STAU2: variants seen among roughly 807,000 people sequenced by gnomAD.
STAU2 encodes the protein staufen double-stranded RNA binding protein 2.
Under a neutral mutation model 65.9 loss-of-function variants are expected in STAU2, and 20 were observed. The ratio of observed to expected loss-of-function variants is 0.30; its 90% CI spans 0.21 to 0.44. The LOEUF is 0.44. Ranked by LOEUF, STAU2 falls within the 20% of genes least tolerant of loss-of-function variation. STAU2 has a pLI of 1.00. For synonymous variants in STAU2, 232 were observed against 233.9 expected (o/e 0.99, Z 0.07); for missense variants, 558 against 683.9 (o/e 0.82, Z 2.05).
intron 12 of STAU2, among the ~76,000 whole-genome samples, chr8:73,568,600 C>A (rs940566218): frequency 1.3e-5 from 1 of 76,394 alleles, no homozygotes; most frequent in Non-Finnish European, 2.9e-5. Context: ...CAGAGTGAGA[C>A]CCTATCTCAA....
chr8:73,652,173 G>A (rs1381568762), intron 6 of STAU2: 1 of 151,950 alleles, frequency 6.6e-6, no homozygotes, highest in East Asian at 1.9e-4. Context: ...AGGATTGGAA[G>A]GGGGAAAAAA....
intron 11 of STAU2, among the ~76,000 whole-genome samples, chr8:73,587,810 G>C (rs1236465429): frequency 6.6e-6 from 1 of 152,210 alleles, no homozygotes; most frequent in Non-Finnish European, 1.5e-5. Flanking sequence ...CAAAGGGGAA[G>C]CAGAAATGGC....
chr8:73,673,057 A>G, intron 6 of STAU2, 50 bp downstream of exon 6: 1 of 1,442,410 alleles, frequency 6.9e-7, no homozygotes, highest in Non-Finnish European at 9.2e-7. Flanking sequence ...AAACTTTTAT[A>G]ACATGGATAA....
At chr8:73,550,849 T>A (rs939759629) in intron 13 of STAU2, 2 of 987,216 alleles carry the variant, frequency 2.0e-6, no homozygotes, top group Middle Eastern at 2.8e-4. Flanking sequence ...AAGGGTTCGG[T>A]GAAGTGAAAA....
intron 10 of STAU2, among the ~76,000 whole-genome samples, chr8:73,602,724 C>T (rs1811721322): frequency 7.0e-6 from 1 of 143,360 alleles, no homozygotes. Context: ...CCCTGTTGCC[C>T]CACCAAAAAA....
chr8:73,686,140 C>A (rs1004674140), intron 5 of STAU2, among the ~76,000 whole-genome samples: 4 of 152,180 alleles, frequency 2.6e-5, no homozygotes, highest in Non-Finnish European at 4.4e-5. Context: ...ATGGGCCGGG[C>A]GCGGTGGCTC....
chr8:73,443,847 C>CT (rs1818326790), intron 13 of STAU2, among the ~76,000 whole-genome samples: 2 of 111,978 alleles, frequency 1.8e-5, no homozygotes, highest in South Asian at 2.7e-4. Flanking sequence ...CACCCTGTCT[C>CT]TTAAAAAAAA....
At chr8:73,485,383 T>G (rs1435256384) in intron 13 of STAU2, among the ~76,000 whole-genome samples, 1 of 152,036 alleles carries the variant, frequency 6.6e-6, no homozygotes, top group Non-Finnish European at 1.5e-5. Flanking sequence ...GGCACAATTC[T>G]GTGAATGTAA....
At chr8:73,661,137 G>C (rs576415132) in intron 6 of STAU2, among the ~76,000 whole-genome samples, 1 of 152,020 alleles carries the variant, frequency 6.6e-6, no homozygotes, top group East Asian at 1.9e-4. Context: ...ATTAGAAGTC[G>C]AATAACCTGC....
At chr8:73,575,234 C>G (rs1362758230) in intron 12 of STAU2, among the ~76,000 whole-genome samples, 2 of 151,460 alleles carry the variant, frequency 1.3e-5, no homozygotes, top group Admixed American at 6.6e-5. Flanking sequence ...GCTCATAGAT[C>G]TACCAAATAC....
chr8:73,688,527 TGTGTAGGTATGG>T, intron 5 of STAU2, 115 bp downstream of exon 5: 1 of 749,756 alleles, frequency 1.3e-6, no homozygotes, highest in Non-Finnish European at 2.2e-6. Context: ...TGTGTGTGTG[TGTGTAGGTATGG>T]GCATATGTGT....
intron 5 of STAU2, among the ~76,000 whole-genome samples, chr8:73,686,172 T>C (rs1818798196): frequency 6.6e-6 from 1 of 152,178 alleles, no homozygotes. Context: ...CCCAACACTT[T>C]GGGAGGCCAA....
At chr8:73,685,173 T>A (rs1818706636) in intron 5 of STAU2, among the ~76,000 whole-genome samples, 1 of 152,074 alleles carries the variant, frequency 6.6e-6, no homozygotes, top group Non-Finnish European at 1.5e-5. Flanking sequence ...TGACTGTAAG[T>A]TTCCTGAGGC....
chr8:73,667,179 C>T (rs1817297859), intron 6 of STAU2, among the ~76,000 whole-genome samples: 1 of 152,084 alleles, frequency 6.6e-6, no homozygotes, highest in African/African-American at 2.4e-5. Context: ...TGCACTATTC[C>T]AGGCCTGCAT....
At chr8:73,498,703 T>C (rs935413319) in intron 13 of STAU2, among the ~76,000 whole-genome samples, 1 of 151,790 alleles carries the variant, frequency 6.6e-6, no homozygotes, top group African/African-American at 2.4e-5. Context: ...GAATTGCTAT[T>C]TGGGGAGATT....
intron 6 of STAU2, among the ~76,000 whole-genome samples, chr8:73,650,900 T>C (rs1398341514): frequency 6.6e-6 from 1 of 152,158 alleles, no homozygotes; most frequent in African/African-American, 2.4e-5. Flanking sequence ...ATGTAAGGAC[T>C]CTAAATGGGA....
chr8:73,474,545 A>G (rs928953507), intron 13 of STAU2, among the ~76,000 whole-genome samples: 1 of 102,096 alleles, frequency 9.8e-6, no homozygotes, highest in Non-Finnish European at 2.2e-5. Context: ...ACCACTTTCT[A>G]TCTCTGAGCA....
At chr8:73,522,979 C>CG (rs1823121989) in intron 13 of STAU2, among the ~76,000 whole-genome samples, 1 of 151,928 alleles carries the variant, frequency 6.6e-6, no homozygotes, top group South Asian at 2.1e-4. Context: ...GCACAGATCA[C>CG]GAGGTCAGGA....
intron 12 of STAU2, chr8:73,561,420 A>C (rs1373960356): frequency 2.5e-6 from 1 of 407,926 alleles, no homozygotes. Context: ...CCTTGTGAGG[A>C]TAATGAGTCA....
Sources: allele counts gnomAD v4.1 joint callset (sites outside exome capture counted in the v4.1 genomes callset), GRCh38; gene constraint gnomAD v4.1.1; transcripts MANE v1.5; gene names NCBI Gene and HGNC (gene_info 2026-07-23, HGNC 2026-07-21).